Variants in CADM2 observed in about 807,000 individuals in gnomAD.
CADM2 encodes immunoglobulin superfamily member 4D.
Under a neutral mutation model 49.8 loss-of-function variants are expected in CADM2, and 12 were observed. The ratio of observed to expected loss-of-function variants is 0.24; its 90% CI spans 0.15 to 0.39. The LOEUF is 0.39. CADM2 is among the 10% of genes least tolerant of loss of function. The pLI is 1.00. For missense variants in CADM2, 378 were observed against 492.3 expected (o/e 0.77, Z 2.20); for synonymous variants, 214 against 175.4 (o/e 1.22, Z -1.74).
intron 1 of CADM2, among the ~76,000 whole-genome samples, chr3:85,143,487 AATT>A (rs1347601152): frequency 6.6e-6 from 1 of 152,210 alleles, no homozygotes; most frequent in Non-Finnish European, 1.5e-5. Flanking sequence ...CTCAAAAAAT[AATT>A]AATATGATTG....
intron 2 of CADM2, among the ~76,000 whole-genome samples, chr3:85,799,603 G>A (rs2071867254): frequency 6.6e-6 from 1 of 152,314 alleles, no homozygotes; most frequent in Non-Finnish European, 1.5e-5. Context: ...AACCAGACTT[G>A]CATCCCCAGG....
At chr3:85,068,101 C>A (rs865842118) in intron 1 of CADM2, among the ~76,000 whole-genome samples, 1 of 152,098 alleles carries the variant, frequency 6.6e-6, no homozygotes, top group Non-Finnish European at 1.5e-5. Context: ...CTATTTTTAA[C>A]GCAGACTTTA....
chr3:85,243,115 T>C (rs916109649), intron 1 of CADM2, among the ~76,000 whole-genome samples: 1 of 151,886 alleles, frequency 6.6e-6, no homozygotes, highest in African/African-American at 2.4e-5. Flanking sequence ...TAAAGAGACA[T>C]TTGAAAAGAA....
chr3:85,356,692 G>A (rs930010245), intron 1 of CADM2, among the ~76,000 whole-genome samples: 1 of 152,068 alleles, frequency 6.6e-6, no homozygotes, highest in African/African-American at 2.4e-5. Context: ...AACTAAGAAT[G>A]TTCAAATGCT....
intron 1 of CADM2, among the ~76,000 whole-genome samples, chr3:85,533,162 A>G (rs1236595128): frequency 1.3e-5 from 2 of 152,182 alleles, no homozygotes; most frequent in African/African-American, 2.4e-5. Context: ...AATAAAAGCT[A>G]AAGACAACAT....
At chr3:85,143,142 A>G (rs2039627207) in intron 1 of CADM2, among the ~76,000 whole-genome samples, 2 of 152,288 alleles carry the variant, frequency 1.3e-5, no homozygotes, top group South Asian at 4.1e-4. Context: ...AAAAGTATTT[A>G]GTATTATAAA....
intron 2 of CADM2, among the ~76,000 whole-genome samples, chr3:85,775,567 T>A (rs2070319867): frequency 6.6e-6 from 1 of 151,882 alleles, no homozygotes; most frequent in Non-Finnish European, 1.5e-5. Context: ...ACTCAGAATT[T>A]TATAAACTGC....
At position 85,448,527 on chromosome 3, in the gene CADM2, G is replaced by A. The variant is rs1050052674; in HGVS notation, c.62-277995G>A. 4.6e-5 allele frequency among the ~76,000 whole-genome samples: 7 copies of A among 151,882 alleles called. No homozygotes were observed. The South Asian group carries it at 6.2e-4, about 14-fold the overall frequency. On this transcript the variant is annotated intron_variant, in intron 1 of 9. Coordinates refer to ENST00000383699, the MANE Select transcript of CADM2 (RefSeq NM_001167675.2). Reference sequence around the variant, plus strand: ...GTTCAATAAAATACGGCACTGTGGCGGTATGTATAACTCACCAAACCTATG... The same window carrying A: ...GTTCAATAAAATACGGCACTGTGGCAGTATGTATAACTCACCAAACCTATG...
chr3:85,413,697 G>T (rs1444160627), intron 1 of CADM2, among the ~76,000 whole-genome samples: 1 of 152,036 alleles, frequency 6.6e-6, no homozygotes. Context: ...CAGCACAGGG[G>T]GAAATCCACC....
intron 2 of CADM2, among the ~76,000 whole-genome samples, chr3:85,791,974 C>A (rs771657302): frequency 6.6e-6 from 1 of 152,126 alleles, no homozygotes; most frequent in Non-Finnish European, 1.5e-5. Flanking sequence ...CCGCCCACCT[C>A]GGCCTCCCAA....
intron 1 of CADM2, among the ~76,000 whole-genome samples, chr3:85,551,234 A>G (rs1449407): frequency 0.51 from 77,940 of 152,058 alleles, 23,062 homozygotes; most frequent in East Asian, 0.85. Context: ...CTCCAACCTC[A>G]GCCTCCCAAA....
At position 86,073,796 on chromosome 3, in the gene CADM2, G is replaced by C. The variant is rs1295632768; in HGVS notation, c.*7013G>C. 1 of 151,772 alleles carries C rather than the reference G, an allele frequency of 6.6e-6. No individual in the cohort carries two copies. Among genetic ancestry groups the C allele is most frequent in the Non-Finnish European group, 1.5e-5 (1 of 67,830 alleles). 9.4% of individuals were successfully genotyped at this position (151,772 alleles called of 1,614,324 possible). A position where few individuals can be genotyped will look rare whatever the true frequency, so the allele number is the denominator to read the frequency against. On this transcript the variant is annotated 3_prime_UTR_variant, in exon 10 of 10. Coordinates refer to ENST00000383699, the MANE Select transcript of CADM2 (RefSeq NM_001167675.2). ...TTCTTTATGCCAAACACATTATTTT[G>C]AATACCTTTTTTTCAACTTCATACA...
At position 85,048,067 on chromosome 3, in the gene CADM2, CA is replaced by C; in HGVS notation, c.61+88402del. Among the ~76,000 whole-genome samples, 8 of 152,072 alleles carry C rather than the reference CA, an allele frequency of 5.3e-5. No homozygotes were observed. The East Asian group carries it at 1.6e-3, about 29-fold the overall frequency. On this transcript the variant is annotated intron_variant, in intron 1 of 9. Coordinates refer to ENST00000383699, the MANE Select transcript of CADM2 (RefSeq NM_001167675.2). ...TTTCGGGAAAAGAAAAATAAAGCTC[CA>C]AATACTTTTTTTTCAAGGAACTCCC...
intron 1 of CADM2, among the ~76,000 whole-genome samples, chr3:85,102,063 TA>T (rs1236096093): frequency 6.6e-6 from 1 of 152,082 alleles, no homozygotes; most frequent in Non-Finnish European, 1.5e-5. Flanking sequence ...CCTGATTTTG[TA>T]AAAAATAAAA....
rs980251421 is a variant in CADM2, at chr3:85,257,128, G to T, written c.61+297460G>T. 3.3e-5 allele frequency among the ~76,000 whole-genome samples: 5 copies of T among 152,166 alleles called. No homozygotes were observed. In the South Asian group the frequency reaches 1.0e-3, roughly 32 times the overall value. On this transcript the variant is annotated intron_variant, in intron 1 of 9. Transcript: ENST00000383699. The stretch of plus-strand genomic sequence containing the variant: ...TTTGCTGATGTGCTCACAGCCAAAT[G>T]TTGGCAGAACCAGGTTTTGAACTCA...
intron 1 of CADM2, among the ~76,000 whole-genome samples, chr3:85,547,996 A>G (rs2061707149): frequency 6.6e-6 from 1 of 151,960 alleles, no homozygotes; most frequent in Non-Finnish European, 1.5e-5. Flanking sequence ...TTAACATATA[A>G]TTTACTTTTA....
intron 2 of CADM2, among the ~76,000 whole-genome samples, chr3:85,791,018 G>A (rs2071290031): frequency 6.6e-6 from 1 of 152,170 alleles, no homozygotes; most frequent in Non-Finnish European, 1.5e-5. Context: ...TTATGTGGTT[G>A]CCTAGGACAG....
At chr3:85,693,174 G>A (rs571723459) in intron 1 of CADM2, among the ~76,000 whole-genome samples, 27 of 151,900 alleles carry the variant, frequency 1.8e-4, no homozygotes, top group African/African-American at 6.5e-4. Context: ...GCATGAACCC[G>A]GGAAGAGAAG....
chr3:85,552,700 A>C (rs1032689258), intron 1 of CADM2, among the ~76,000 whole-genome samples: 1 of 150,902 alleles, frequency 6.6e-6, no homozygotes, highest in East Asian at 2.0e-4. Flanking sequence ...TTTCTGAGAC[A>C]GAGCCTCACT....
Sources: allele counts gnomAD v4.1 joint callset (sites outside exome capture counted in the v4.1 genomes callset), GRCh38; gene constraint gnomAD v4.1.1; transcripts MANE v1.5; gene names NCBI Gene and HGNC (gene_info 2026-07-23, HGNC 2026-07-21).